The following PDE4D variants were observed in gnomAD, a reference collection of about 807,000 sequenced individuals.
The protein encoded by PDE4D is phosphodiesterase 4D.
A neutral mutation model predicts 87.4 loss-of-function variants in PDE4D; 24 were observed. The ratio of observed to expected loss-of-function variants is 0.27; its 90% CI spans 0.20 to 0.39. PDE4D has a LOEUF of 0.39. PDE4D is among the 10% of genes least tolerant of loss of function. The pLI, the probability that PDE4D is intolerant of heterozygous loss-of-function variation, is 1.00. For missense variants in PDE4D, 714 were observed against 1,041.0 expected (o/e 0.69, Z 4.32); for synonymous variants, 384 against 383.2 (o/e 1.00, Z -0.02).
intron 1 of PDE4D, among the ~76,000 whole-genome samples, chr5:59,345,455 G>A (rs1230847150): frequency 1.3e-5 from 2 of 152,126 alleles, no homozygotes; most frequent in Non-Finnish European, 2.9e-5. Context: ...TATTTAAGCT[G>A]CATATGGATC....
intron 1 of PDE4D, among the ~76,000 whole-genome samples, chr5:59,887,658 C>T (rs1452986123): frequency 6.6e-6 from 1 of 152,076 alleles, no homozygotes; most frequent in Non-Finnish European, 1.5e-5. Context: ...AAGAACTCTT[C>T]CCAAGACATG....
chr5:60,445,245 T>A (rs966051342), intron 1 of PDE4D, among the ~76,000 whole-genome samples: 1 of 152,116 alleles, frequency 6.6e-6, no homozygotes, highest in African/African-American at 2.4e-5. Flanking sequence ...ATTCAAGCTA[T>A]CAGATGTTTA....
At chr5:59,715,372 C>A (rs751746858) in intron 1 of PDE4D, among the ~76,000 whole-genome samples, 1 of 152,232 alleles carries the variant, frequency 6.6e-6, no homozygotes, top group Non-Finnish European at 1.5e-5. Flanking sequence ...TGAGCCTTCA[C>A]CATTTAAGGA....
Position 59,959,720 on chromosome 5 carries a change from G to A in PDE4D, c.272+28768C>T, listed in dbSNP as rs762175266. ...CAGGATGGATTAAAGACTTAAATGG[G>A]AGACCTCAAACTATAAAAATCCTAG... is the stretch of plus-strand genomic sequence containing the variant. On this transcript the variant is annotated intron_variant, in intron 3 of 16. Transcript: ENST00000502484. Among the ~76,000 whole-genome samples, 71 of 152,020 alleles carry A rather than the reference G, an allele frequency of 4.7e-4. 1 individual carries two copies. The highest frequency in any genetic ancestry group is 1.8e-3 in the Admixed American group (28 of 15,242).
At chr5:60,307,725 G>A (rs1754632546) in intron 1 of PDE4D, among the ~76,000 whole-genome samples, 1 of 151,436 alleles carries the variant, frequency 6.6e-6, no homozygotes, top group Admixed American at 6.6e-5. Flanking sequence ...TGGTGCAAAA[G>A]TAATTGCTGT....
At chr5:59,091,184 C>A in intron 5 of PDE4D, 1 of 446,916 alleles carries the variant, frequency 2.2e-6, no homozygotes, top group Non-Finnish European at 4.5e-6. Context: ...CGTGGAGCAA[C>A]AGGAATTCTC....
intron 2 of PDE4D, among the ~76,000 whole-genome samples, chr5:60,045,336 T>G (rs1333207186): frequency 3.3e-5 from 5 of 152,190 alleles, no homozygotes; most frequent in Admixed American, 3.3e-4. Flanking sequence ...GATGGTAGTT[T>G]CTTTTGCTGT....
chr5:60,328,678 A>C (rs927552330), intron 1 of PDE4D, among the ~76,000 whole-genome samples: 2 of 152,218 alleles, frequency 1.3e-5, no homozygotes, highest in Admixed American at 1.3e-4. Context: ...GGCACATACC[A>C]GAAATGAAAT....
chr5:59,036,513 C>T (rs920791039), intron 6 of PDE4D, among the ~76,000 whole-genome samples: 3 of 152,182 alleles, frequency 2.0e-5, no homozygotes, highest in South Asian at 4.1e-4. Context: ...GAAGGTGTGG[C>T]AACACTCACA....
intron 6 of PDE4D, among the ~76,000 whole-genome samples, chr5:59,004,667 G>A (rs1351230294): frequency 6.6e-6 from 1 of 152,212 alleles, no homozygotes; most frequent in Non-Finnish European, 1.5e-5. Context: ...AAAGTAGTTG[G>A]GTTCTAGGCT....
intron 1 of PDE4D, among the ~76,000 whole-genome samples, chr5:59,776,738 AT>A (rs1764116121): frequency 6.6e-6 from 1 of 152,104 alleles, no homozygotes; most frequent in African/African-American, 2.4e-5. Flanking sequence ...AATAAGTCAA[AT>A]TTTCTAAAAC....
At chr5:59,395,222 G>A (rs1252889491) in intron 1 of PDE4D, among the ~76,000 whole-genome samples, 1 of 152,070 alleles carries the variant, frequency 6.6e-6, no homozygotes, top group East Asian at 1.9e-4. Flanking sequence ...ACTGGGTGGA[G>A]CCCACCACAG....
rs1431074133 is a variant in PDE4D at position 60,426,210 on chromosome 5, C to T, written c.-90+61732G>A. Reference sequence around the variant, plus strand: ...TATACCCAAAGGATTATAAATCATTCTACTATAAAGACATGCACACGTATG... The same window carrying T: ...TATACCCAAAGGATTATAAATCATTTTACTATAAAGACATGCACACGTATG... On this transcript the variant is annotated intron_variant, in intron 1 of 16. Transcript: ENST00000502484. Among the ~76,000 whole-genome samples, 5 of 152,136 alleles carry T rather than the reference C, an allele frequency of 3.3e-5. No individual in the cohort carries two copies. In the East Asian group the frequency reaches 7.7e-4, roughly 23 times the overall value.
rs539741595 is a variant in PDE4D at position 59,294,771 on chromosome 5, C to T, written c.456-78803G>A. Among the ~76,000 whole-genome samples, 5 of 152,308 alleles carry T rather than the reference C, an allele frequency of 3.3e-5. 1 individual carries two copies. Among genetic ancestry groups the T allele is most frequent in the African/African-American group, 1.2e-4 (5 of 41,572 alleles). On this transcript the variant is annotated intron_variant, in intron 1 of 14. Coordinates refer to ENST00000340635, the MANE Select transcript of PDE4D (RefSeq NM_001104631.2). ...TTCTGGAATGAATAAAACATTATCA[C>T]AGCTGTTTTACTATGATTCTGCTTT...
At chr5:60,436,524 G>A (rs1192088945) in intron 1 of PDE4D, among the ~76,000 whole-genome samples, 1 of 152,082 alleles carries the variant, frequency 6.6e-6, no homozygotes, top group African/African-American at 2.4e-5. Context: ...AACTCATGAT[G>A]TGTTCCAAGT....
intron 1 of PDE4D, among the ~76,000 whole-genome samples, chr5:59,356,230 G>A (rs984478511): frequency 3.9e-5 from 6 of 152,048 alleles, no homozygotes; most frequent in Non-Finnish European, 8.8e-5. Flanking sequence ...GAAGTCATGA[G>A]GTCAAGATTT....
chr5:60,382,438 C>T (rs1434128493), intron 1 of PDE4D, among the ~76,000 whole-genome samples: 1 of 152,148 alleles, frequency 6.6e-6, no homozygotes, highest in African/African-American at 2.4e-5. Context: ...AAATGGCAAA[C>T]AGAGCTAGAC....
intron 1 of PDE4D, among the ~76,000 whole-genome samples, chr5:59,673,165 C>A (rs542840445): frequency 6.6e-6 from 1 of 152,300 alleles, no homozygotes; most frequent in East Asian, 1.9e-4. Context: ...ATCTGACAAT[C>A]CTTTTTTTGA....
intron 1 of PDE4D, among the ~76,000 whole-genome samples, chr5:60,288,184 T>C (rs1249817357): frequency 6.6e-6 from 1 of 152,184 alleles, no homozygotes; most frequent in Non-Finnish European, 1.5e-5. Context: ...CCCCCTCAAA[T>C]CTGCAAGCAT....
Sources: gnomAD v4.1 joint callset for allele counts (sites outside exome capture counted in the v4.1 genomes callset) on GRCh38, gnomAD v4.1.1 for gene constraint, MANE v1.5 for transcripts, NCBI Gene and HGNC (gene_info 2026-07-23, HGNC 2026-07-21) for gene names.